The following AUTS2 variants were observed in gnomAD, a reference collection of about 807,000 sequenced individuals.
AUTS2 encodes the protein autism susceptibility gene 2 protein.
In AUTS2, 17 loss-of-function variants were observed where a neutral mutation model predicts 112.4. The ratio of observed to expected loss-of-function variants is 0.15; its 90% CI spans 0.10 to 0.23. The LOEUF is 0.23. AUTS2 is among the 10% of genes least tolerant of loss of function. The pLI is 1.00. For synonymous variants in AUTS2, 751 were observed against 702.7 expected (o/e 1.07, Z -1.09); for missense variants, 1,510 against 1,701.6 (o/e 0.89, Z 1.98).
chr7:69,834,209 A>C (rs1791622985), intron 1 of AUTS2, among the ~76,000 whole-genome samples: 1 of 152,154 alleles, frequency 6.6e-6, no homozygotes, highest in African/African-American at 2.4e-5. Flanking sequence ...CTGTGGGCTT[A>C]GGAAAACAGT....
At chr7:70,239,458 A>C (rs1477964480) in intron 4 of AUTS2, among the ~76,000 whole-genome samples, 1 of 152,020 alleles carries the variant, frequency 6.6e-6, no homozygotes, top group Non-Finnish European at 1.5e-5. Context: ...TTTTTGAGAC[A>C]GAGTTTCCCT....
intron 4 of AUTS2, among the ~76,000 whole-genome samples, chr7:70,403,500 G>A (rs1460857962): frequency 2.0e-5 from 3 of 152,160 alleles, no homozygotes; most frequent in African/African-American, 7.2e-5. Context: ...TGTCTGCCTG[G>A]CGTCTGCCTG....
chr7:69,839,275 C>G (rs1791866162), intron 1 of AUTS2, among the ~76,000 whole-genome samples: 3 of 152,096 alleles, frequency 2.0e-5, no homozygotes, highest in Admixed American at 2.0e-4. Flanking sequence ...CTGGGCAGTA[C>G]TTACCTTGTA....
chr7:69,766,666 G>A (rs548626014), intron 1 of AUTS2, among the ~76,000 whole-genome samples: 12 of 152,286 alleles, frequency 7.9e-5, no homozygotes, highest in African/African-American at 2.9e-4. Context: ...TCTGAGCTTT[G>A]ACACACCTCA....
intron 5 of AUTS2, among the ~76,000 whole-genome samples, chr7:70,558,016 G>A (rs1801321482): frequency 6.6e-6 from 1 of 152,122 alleles, no homozygotes; most frequent in Non-Finnish European, 1.5e-5. Flanking sequence ...CAGGTGGAGT[G>A]GGGATGGCGT....
At chr7:70,152,775 A>G (rs1807514819) in intron 4 of AUTS2, among the ~76,000 whole-genome samples, 1 of 152,192 alleles carries the variant, frequency 6.6e-6, no homozygotes, top group African/African-American at 2.4e-5. Flanking sequence ...TAATTATTAC[A>G]TAAAAGCAAA....
chr7:69,691,424 C>T (rs967929339), intron 1 of AUTS2, among the ~76,000 whole-genome samples: 1 of 152,140 alleles, frequency 6.6e-6, no homozygotes, highest in Non-Finnish European at 1.5e-5. Context: ...AGCACCCACC[C>T]CCATCCTCCA....
At chr7:69,639,562 A>G (rs912328650) in intron 1 of AUTS2, among the ~76,000 whole-genome samples, 2 of 152,184 alleles carry the variant, frequency 1.3e-5, no homozygotes, top group African/African-American at 4.8e-5. Context: ...GTGTCTTTTC[A>G]TTTTCTGATC....
intron 4 of AUTS2, among the ~76,000 whole-genome samples, chr7:70,340,886 A>ACTTCC (rs771692423): frequency 6.6e-6 from 1 of 152,252 alleles, no homozygotes; most frequent in Non-Finnish European, 1.5e-5. Context: ...GGGTGTTGGA[A>ACTTCC]GAGTTTTGAG....
At chr7:70,615,729 G>T (rs144724661) in intron 5 of AUTS2, among the ~76,000 whole-genome samples, 1,876 of 152,126 alleles carry the variant, frequency 0.012, 35 homozygotes, top group African/African-American at 0.041. Context: ...AGAGTTTGGG[G>T]ACAGTGCAAA....
intron 1 of AUTS2, among the ~76,000 whole-genome samples, chr7:69,859,727 T>A (rs1414043353): frequency 2.0e-5 from 3 of 152,244 alleles, no homozygotes; most frequent in Non-Finnish European, 4.4e-5. Context: ...TGGATAATTC[T>A]ACTTCAGATA....
intron 4 of AUTS2, among the ~76,000 whole-genome samples, chr7:70,374,102 A>T (rs1363677298): frequency 2.0e-4 from 31 of 152,198 alleles, no homozygotes; most frequent in Admixed American, 2.0e-3. Flanking sequence ...AAATTTCAGT[A>T]TACATTCTTG....
At chr7:69,710,316 C>T (rs1798257542) in intron 1 of AUTS2, among the ~76,000 whole-genome samples, 1 of 152,146 alleles carries the variant, frequency 6.6e-6, no homozygotes, top group Non-Finnish European at 1.5e-5. Context: ...TTTCCAAAAG[C>T]AATTAAAATG....
At chr7:70,720,274 A>G (rs1352728460) in intron 6 of AUTS2, among the ~76,000 whole-genome samples, 1 of 151,864 alleles carries the variant, frequency 6.6e-6, no homozygotes, top group Non-Finnish European at 1.5e-5. Flanking sequence ...TTGCTCTAAT[A>G]TTCACAAGCC....
chr7:70,757,755 T>C (rs76718120), intron 6 of AUTS2, among the ~76,000 whole-genome samples: 3,046 of 146,408 alleles, frequency 0.021, 113 homozygotes, highest in African/African-American at 0.07. Context: ...CCCAAGCCCC[T>C]AAACAGGTAG....
intron 1 of AUTS2, among the ~76,000 whole-genome samples, chr7:69,668,169 G>T (rs1257944484): frequency 6.6e-6 from 1 of 152,176 alleles, no homozygotes; most frequent in Admixed American, 6.5e-5. Flanking sequence ...TGTTGGGCTA[G>T]CTTGCTCTTG....
intron 6 of AUTS2, among the ~76,000 whole-genome samples, chr7:70,727,500 T>A (rs1787109596): frequency 6.6e-6 from 1 of 152,012 alleles, no homozygotes; most frequent in African/African-American, 2.4e-5. Context: ...CAGGCATGCA[T>A]CACCACACCC....
chr7:69,911,001 C>T (rs1045398237), intron 2 of AUTS2, among the ~76,000 whole-genome samples: 1 of 152,220 alleles, frequency 6.6e-6, no homozygotes, highest in Non-Finnish European at 1.5e-5. Context: ...GGAAAGACCC[C>T]CATGATTCAT....
intron 4 of AUTS2, among the ~76,000 whole-genome samples, chr7:70,248,486 T>C (rs1009245771): frequency 1.2e-4 from 18 of 152,132 alleles, no homozygotes; most frequent in Non-Finnish European, 1.9e-4. Context: ...TTTTAAAATT[T>C]TTTTCTCAGA....
Sources: allele counts gnomAD v4.1 joint callset (sites outside exome capture counted in the v4.1 genomes callset), GRCh38; gene constraint gnomAD v4.1.1; transcripts MANE v1.5; gene names NCBI Gene and HGNC (gene_info 2026-07-23, HGNC 2026-07-21).